The following NAALADL2 variants were observed in gnomAD, a reference collection of about 807,000 sequenced individuals.
The protein encoded by NAALADL2 is N-acetylated alpha-linked acidic dipeptidase like 2.
In NAALADL2, 76 loss-of-function variants were observed where a neutral mutation model predicts 87.2. The observed-to-expected ratio is 0.87, with a 90% CI of 0.72 to 1.05. The LOEUF is 1.05. NAALADL2 is among the 50% of genes least tolerant of loss of function. The pLI, the probability that NAALADL2 is intolerant of heterozygous loss-of-function variation, is 0.00. For missense variants in NAALADL2, 1,089 were observed against 945.8 expected (o/e 1.15, Z -1.99); for synonymous variants, 354 against 331.0 (o/e 1.07, Z -0.75).
chr3:174,690,899 G>A (rs886767726), intron 2 of NAALADL2, among the ~76,000 whole-genome samples: 1 of 152,106 alleles, frequency 6.6e-6, no homozygotes, highest in Non-Finnish European at 1.5e-5. Flanking sequence ...CATGACAACT[G>A]TAAGTAAAAG....
rs142332675 is a variant in NAALADL2 at position 175,451,317 on chromosome 3, G to A, written c.1234+3945G>A. On this transcript the variant is annotated intron_variant, in intron 6 of 13. Coordinates refer to ENST00000454872, the MANE Select transcript of NAALADL2 (RefSeq NM_207015.3). ...AAGTGGACAGCTGGGCATTTGTATC[G>A]CTGCGAGAACTAAAAAAAAAAGTAT... Among the ~76,000 whole-genome samples, 26 of 151,896 alleles carry A rather than the reference G, an allele frequency of 1.7e-4. No homozygotes were observed. The East Asian group carries it at 4.3e-3, about 25-fold the overall frequency.
chr3:174,598,725 A>G (rs1718157848), intron 2 of NAALADL2, among the ~76,000 whole-genome samples: 1 of 152,192 alleles, frequency 6.6e-6, no homozygotes, highest in Non-Finnish European at 1.5e-5. Flanking sequence ...AGTTAACCAA[A>G]GAGAAGTCGA....
intron 13 of NAALADL2, among the ~76,000 whole-genome samples, chr3:175,768,177 G>T (rs1748998400): frequency 6.6e-6 from 1 of 152,102 alleles, no homozygotes; most frequent in South Asian, 2.1e-4. Flanking sequence ...AGGCTATCAG[G>T]ATACTGCCTA....
chr3:175,489,337 T>C (rs1727734173), intron 9 of NAALADL2, among the ~76,000 whole-genome samples: 1 of 152,194 alleles, frequency 6.6e-6, no homozygotes, highest in Admixed American at 6.5e-5. Flanking sequence ...GATTGATTAA[T>C]TAAAAATAGT....
intron 9 of NAALADL2, among the ~76,000 whole-genome samples, chr3:175,540,815 G>A (rs1007402264): frequency 5.3e-5 from 8 of 151,968 alleles, no homozygotes; most frequent in African/African-American, 1.5e-4. Flanking sequence ...AAATAGGGGC[G>A]ACTACTGAAG....
chr3:175,281,557 T>G (rs546357921), intron 4 of NAALADL2, among the ~76,000 whole-genome samples: 16 of 151,962 alleles, frequency 1.1e-4, no homozygotes, highest in Admixed American at 4.6e-4. Flanking sequence ...ATGCTCAAAC[T>G]CTTTTGTGTA....
At chr3:175,117,416 G>A (rs1725423897) in intron 2 of NAALADL2, among the ~76,000 whole-genome samples, 1 of 151,978 alleles carries the variant, frequency 6.6e-6, no homozygotes, top group African/African-American at 2.4e-5. Context: ...AAATTTACCA[G>A]AAAAAATCAA....
At chr3:175,314,058 G>A (rs1758720719) in intron 4 of NAALADL2, among the ~76,000 whole-genome samples, 1 of 141,268 alleles carries the variant, frequency 7.1e-6, no homozygotes, top group Admixed American at 7.2e-5. Context: ...GGGCAACAGA[G>A]TGAGACTCCA....
At chr3:174,507,722 A>G (rs1719291157) in intron 1 of NAALADL2, among the ~76,000 whole-genome samples, 2 of 151,876 alleles carry the variant, frequency 1.3e-5, no homozygotes, top group Admixed American at 1.3e-4. Flanking sequence ...TATGTTGTTC[A>G]TGTTCAAGTA....
At position 174,974,792 on chromosome 3, in the gene NAALADL2, CAGAG is replaced by C. The variant is rs535237134; in HGVS notation, c.43+115346_43+115349del. Among the ~76,000 whole-genome samples, 57 of 151,642 alleles carry C rather than the reference CAGAG, an allele frequency of 3.8e-4. No homozygotes were observed. The East Asian group carries it at 4.1e-3, about 11-fold the overall frequency. On this transcript the variant is annotated intron_variant, in intron 1 of 13. Coordinates refer to ENST00000454872, the MANE Select transcript of NAALADL2 (RefSeq NM_207015.3). ...TATTGATAGGGTGGGTGGTGGGAGA[CAGAG>C]AGAAAGAGAAAGAGGGAGAGAGAGG...
At chr3:175,281,817 A>C (rs1450087123) in intron 4 of NAALADL2, among the ~76,000 whole-genome samples, 1 of 151,834 alleles carries the variant, frequency 6.6e-6, no homozygotes, top group Non-Finnish European at 1.5e-5. Flanking sequence ...TTTCCCAAAT[A>C]TTTTCTATTT....
intron 3 of NAALADL2, among the ~76,000 whole-genome samples, chr3:174,816,619 G>A (rs990566413): frequency 6.6e-6 from 1 of 150,898 alleles, no homozygotes. Flanking sequence ...CAATGAGGTC[G>A]CTAAGACAGA....
intron 2 of NAALADL2, among the ~76,000 whole-genome samples, chr3:174,703,759 T>G (rs187556219): frequency 6.6e-6 from 1 of 152,306 alleles, no homozygotes; most frequent in Admixed American, 6.5e-5. Flanking sequence ...GGACCGAGTT[T>G]CCCACGAAAA....
At chr3:175,303,294 A>C (rs1757311867) in intron 4 of NAALADL2, among the ~76,000 whole-genome samples, 1 of 152,116 alleles carries the variant, frequency 6.6e-6, no homozygotes, top group Admixed American at 6.6e-5. Flanking sequence ...ATATATAAGG[A>C]TATAGACAGA....
At chr3:175,004,343 C>T (rs1395200626) in intron 1 of NAALADL2, among the ~76,000 whole-genome samples, 4 of 129,770 alleles carry the variant, frequency 3.1e-5, no homozygotes, top group African/African-American at 1.2e-4. Flanking sequence ...CACGCCTCTA[C>T]ACTCCAGCCT....
At chr3:174,629,683 G>A (rs2108689218) in intron 2 of NAALADL2, among the ~76,000 whole-genome samples, 1 of 152,266 alleles carries the variant, frequency 6.6e-6, no homozygotes, top group East Asian at 1.9e-4. Flanking sequence ...TATTCAACAA[G>A]TGGCTCCCTT....
intron 1 of NAALADL2, among the ~76,000 whole-genome samples, chr3:174,506,663 T>C (rs1357756787): frequency 6.6e-6 from 1 of 152,206 alleles, no homozygotes; most frequent in Admixed American, 6.5e-5. Context: ...TTGATATTTA[T>C]TACAAAATCC....
At chr3:175,495,094 T>TATATATATATATATATATA (rs1167550415) in intron 9 of NAALADL2, among the ~76,000 whole-genome samples, 81 of 133,254 alleles carry the variant, frequency 6.1e-4, no homozygotes, top group African/African-American at 2.1e-3. Flanking sequence ...ATATATATAT[T>TATATATATATATATATATA]TTTTTTTAAT....
chr3:175,497,964 C>T (rs1446604634), intron 9 of NAALADL2, among the ~76,000 whole-genome samples: 1 of 151,922 alleles, frequency 6.6e-6, no homozygotes, highest in Admixed American at 6.6e-5. Context: ...TGTTAGTGTG[C>T]ATGTAATATT....
Sources: allele counts gnomAD v4.1 joint callset (sites outside exome capture counted in the v4.1 genomes callset), GRCh38; gene constraint gnomAD v4.1.1; transcripts MANE v1.5; gene names NCBI Gene and HGNC (gene_info 2026-07-23, HGNC 2026-07-21).